SNTB2: variants seen among roughly 807,000 people sequenced by gnomAD.
SNTB2 encodes the protein beta-2-syntrophin.
A neutral mutation model predicts 46.2 loss-of-function variants in SNTB2; 34 were observed. The ratio of observed to expected loss-of-function variants is 0.74; its 90% CI spans 0.56 to 0.98. The LOEUF is 0.98. Ranked by LOEUF, SNTB2 falls within the 50% of genes least tolerant of loss-of-function variation. The probability of loss-of-function intolerance (pLI) is 0.00; values close to 1 mark genes in which losing one functional copy is unlikely to be tolerated. For missense variants in SNTB2, 603 were observed against 731.4 expected, an observed-to-expected ratio of 0.82 and a Z score of 2.02; for synonymous variants, 290 against 312.6, an observed-to-expected ratio of 0.93 and a Z score of 0.76.
chr16:69,198,536 C>T (rs1008064825), intron 1 of SNTB2, among the ~76,000 whole-genome samples: 1 of 152,184 alleles, frequency 6.6e-6, no homozygotes, highest in Non-Finnish European at 1.5e-5. Context: ...CTACCACTTA[C>T]ATGTTTCCTC....
chr16:69,284,775 A>AAAAC (rs900306441), intron 5 of SNTB2, among the ~76,000 whole-genome samples: 1 of 152,154 alleles, frequency 6.6e-6, no homozygotes, highest in Admixed American at 6.5e-5. Context: ...CTCCGTCTCA[A>AAAAC]AAACAAACAA....
intron 1 of SNTB2, among the ~76,000 whole-genome samples, chr16:69,208,267 ATGG>A (rs910539121): frequency 2.5e-4 from 38 of 152,106 alleles, no homozygotes; most frequent in African/African-American, 9.2e-4. Flanking sequence ...CTAGCCGGAC[ATGG>A]TGGTGCATGT....
intron 1 of SNTB2, among the ~76,000 whole-genome samples, chr16:69,200,496 A>G (rs1325453429): frequency 1.3e-5 from 2 of 152,196 alleles, no homozygotes; most frequent in African/African-American, 2.4e-5. Context: ...CAAGAAAAAC[A>G]ACACATTCGT....
intron 5 of SNTB2, among the ~76,000 whole-genome samples, chr16:69,286,758 C>G (rs1416673420): frequency 6.6e-6 from 1 of 150,966 alleles, no homozygotes; most frequent in Non-Finnish European, 1.5e-5. Context: ...ACTGTAGTCT[C>G]AGCTGCTCAG....
intron 4 of SNTB2, among the ~76,000 whole-genome samples, chr16:69,281,614 G>A (rs1965048042): frequency 6.6e-6 from 1 of 151,688 alleles, no homozygotes; most frequent in African/African-American, 2.4e-5. Flanking sequence ...ACTTTGGGAG[G>A]CCGAGGCAGG....
rs146117277 is a variant in SNTB2 at position 69,237,232 on chromosome 16, T to C, written c.581-8370T>C. On this transcript the variant is annotated intron_variant, in intron 1 of 6. Transcript: ENST00000336278. ...AGAGCCTTAGGAAACACCTGGATTA[T>C]AGGGATAGGAGGAGAAAAAAGGCAC... 5.1e-3 allele frequency among the ~76,000 whole-genome samples: 779 copies of C among 151,828 alleles called. 26 individuals carry two copies. Among genetic ancestry groups the C allele is most frequent in the Admixed American group, 0.043 (655 of 15,218 alleles).
chr16:69,292,748 C>T (rs753662513), intron 5 of SNTB2, among the ~76,000 whole-genome samples: 40 of 151,780 alleles, frequency 2.6e-4, no homozygotes, highest in Non-Finnish European at 4.9e-4. Flanking sequence ...CCACCACGCC[C>T]GGCCGAGTGT....
chr16:69,280,040 GAGATT>G (rs1355868055), intron 4 of SNTB2, among the ~76,000 whole-genome samples: 13 of 152,220 alleles, frequency 8.5e-5, no homozygotes, highest in African/African-American at 2.9e-4. Flanking sequence ...CTGGGTACTT[GAGATT>G]AGGGAGTGGT....
intron 4 of SNTB2, among the ~76,000 whole-genome samples, chr16:69,273,284 T>G (rs755984359): frequency 6.6e-6 from 1 of 152,176 alleles, no homozygotes; most frequent in Non-Finnish European, 1.5e-5. Flanking sequence ...TACGTGACTG[T>G]TCATAATAGC....
intron 2 of SNTB2, among the ~76,000 whole-genome samples, chr16:69,252,313 A>G: frequency 6.6e-6 from 1 of 152,178 alleles, no homozygotes; most frequent in East Asian, 1.9e-4. Flanking sequence ...CACTGGATGC[A>G]TCTTGATGCA....
intron 1 of SNTB2, among the ~76,000 whole-genome samples, chr16:69,192,265 T>TA (rs1302067471): frequency 5.3e-5 from 8 of 152,192 alleles, no homozygotes; most frequent in Admixed American, 4.6e-4. Flanking sequence ...ATTCAAGAGA[T>TA]ACTTTAAAGC....
At position 69,222,509 on chromosome 16, in the gene SNTB2, C is replaced by G. The variant is rs147559024; in HGVS notation, c.581-23093C>G. Among the ~76,000 whole-genome samples the G allele has an allele frequency of 1.8e-4, 27 of 151,306 alleles. 1 individual carries two copies. In the East Asian group the frequency reaches 2.7e-3, roughly 15 times the overall value. ...TTGGGAAGCAGAGGTAGGAGAATCA[C>G]TTGAACCTGGGAGGTGGAGGTTGCA... On this transcript the variant is annotated intron_variant, in intron 1 of 6. Transcript: ENST00000336278.
At chr16:69,191,813 T>G (rs1567392909) in intron 1 of SNTB2, among the ~76,000 whole-genome samples, 1 of 151,938 alleles carries the variant, frequency 6.6e-6, no homozygotes, top group Non-Finnish European at 1.5e-5. Context: ...GCCAATTTTT[T>G]GTATTTTTTA....
chr16:69,198,895 T>TA (rs1555497539), intron 1 of SNTB2, among the ~76,000 whole-genome samples: 3 of 146,066 alleles, frequency 2.1e-5, no homozygotes, highest in Admixed American at 6.8e-5. Flanking sequence ...AATATAATAA[T>TA]GTTTTTTTTT....
In SNTB2 at chr16:69,306,022, G is replaced by C. The variant is rs994421018; in HGVS notation, c.*5098G>C. On this transcript the variant is annotated 3_prime_UTR_variant, in exon 7 of 7. Transcript: ENST00000336278. ...CTATATATCAGGGTTCTGTATTTTT[G>C]AGCAATATCATTATTCCTATGCTGT... 1 of 152,008 alleles carries C rather than the reference G, an allele frequency of 6.6e-6. No homozygotes were observed. The highest frequency in any genetic ancestry group is 1.5e-5 in the Non-Finnish European group (1 of 68,018). 9.4% of individuals were successfully genotyped at this position (152,008 alleles called of 1,614,324 possible). A position where few individuals can be genotyped will look rare whatever the true frequency, so the allele number is the denominator to read the frequency against.
At chr16:69,202,402 AT>A (rs200721756) in intron 1 of SNTB2, among the ~76,000 whole-genome samples, 16,876 of 148,722 alleles carry the variant, frequency 0.11, 1,193 homozygotes, top group Middle Eastern at 0.22. Context: ...AACTGTTAGA[AT>A]TTTTTTTTTT....
At position 69,306,121 on chromosome 16, in the gene SNTB2, A is replaced by G. The variant is rs1409713098; in HGVS notation, c.*5197A>G. The G allele has an allele frequency of 6.6e-6, 1 of 152,220 alleles. No individual in the cohort carries two copies. Among genetic ancestry groups the G allele is most frequent in the Non-Finnish European group, 1.5e-5 (1 of 68,036 alleles). The allele number at this position is 152,220 out of a possible 1,614,324, so 9.4% of individuals were successfully genotyped here. A position where few individuals can be genotyped will look rare whatever the true frequency, so the allele number is the denominator to read the frequency against. On this transcript the variant is annotated 3_prime_UTR_variant, in exon 7 of 7. Transcript: ENST00000336278. The stretch of plus-strand genomic sequence containing the variant: ...CTGATTTGAAACCTTTCTCTAAAAA[A>G]ACAAAAACATCTGGCAGATGAGTGA...
intron 5 of SNTB2, among the ~76,000 whole-genome samples, chr16:69,290,140 A>T (rs1187884772): frequency 6.6e-6 from 1 of 152,234 alleles, no homozygotes. Flanking sequence ...CTATAGTTAC[A>T]GTAGAGCTAA....
chr16:69,255,465 C>T (rs1435426968), intron 2 of SNTB2, among the ~76,000 whole-genome samples: 2 of 150,870 alleles, frequency 1.3e-5, no homozygotes, highest in African/African-American at 4.9e-5. Flanking sequence ...GAGGCTGAGG[C>T]AAAAGAATGG....
Sources: allele counts gnomAD v4.1 joint callset (sites outside exome capture counted in the v4.1 genomes callset), GRCh38; gene constraint gnomAD v4.1.1; transcripts MANE v1.5; gene names NCBI Gene and HGNC (gene_info 2026-07-23, HGNC 2026-07-21).